PHACTR1: variants seen among roughly 807,000 people sequenced by gnomAD.
PHACTR1 encodes phosphatase and actin regulator 1, also known as RPEL repeat containing 1.
In PHACTR1, 16 loss-of-function variants were observed where a neutral mutation model predicts 69.2. The ratio of observed to expected loss-of-function variants is 0.23; its 90% CI spans 0.16 to 0.35. The LOEUF (loss-of-function observed/expected upper bound fraction) is 0.35. Ranked by LOEUF, PHACTR1 falls within the 10% of genes least tolerant of loss-of-function variation. The pLI is 1.00. For synonymous variants in PHACTR1, 312 were observed against 284.5 expected, an observed-to-expected ratio of 1.10 and a Z score of -0.97; for missense variants, 510 against 734.7, an observed-to-expected ratio of 0.69 and a Z score of 3.54.
chr6:13,120,336 A>G (rs1385225079), intron 5 of PHACTR1, among the ~76,000 whole-genome samples: 2 of 152,112 alleles, frequency 1.3e-5, no homozygotes, highest in Non-Finnish European at 2.9e-5. Flanking sequence ...GACCCAGTGA[A>G]ATTGAATAAC....
At chr6:12,991,154 G>A (rs1187856091) in intron 4 of PHACTR1, among the ~76,000 whole-genome samples, 2 of 152,132 alleles carry the variant, frequency 1.3e-5, no homozygotes, top group African/African-American at 2.4e-5. Context: ...TGTCCATATC[G>A]CTATTACCTG....
intron 4 of PHACTR1, among the ~76,000 whole-genome samples, chr6:13,048,045 G>A (rs2127726261): frequency 6.6e-6 from 1 of 152,196 alleles, no homozygotes; most frequent in African/African-American, 2.4e-5. Flanking sequence ...GCCTGTCTAA[G>A]GAGAAAGAAA....
chr6:13,266,207 T>A (rs1168590296), intron 10 of PHACTR1, among the ~76,000 whole-genome samples: 1 of 152,136 alleles, frequency 6.6e-6, no homozygotes, highest in Non-Finnish European at 1.5e-5. Flanking sequence ...TTCCTGTCCA[T>A]TCACATATGC....
intron 10 of PHACTR1, among the ~76,000 whole-genome samples, chr6:13,256,480 G>A (rs1477344150): frequency 3.3e-5 from 5 of 152,202 alleles, no homozygotes; most frequent in African/African-American, 1.2e-4. Context: ...TGGCCAGGCT[G>A]CAAAGTTTCC....
chr6:12,749,910 C>T (rs1011287929), intron 4 of PHACTR1, 120 bp downstream of exon 4: 1 of 971,622 alleles, frequency 1.0e-6, no homozygotes, highest in Non-Finnish European at 1.5e-6. Flanking sequence ...GCGCTCAGCA[C>T]TCGCGCTCTT....
chr6:12,836,836 A>G (rs762275817), intron 4 of PHACTR1, among the ~76,000 whole-genome samples: 1 of 152,180 alleles, frequency 6.6e-6, no homozygotes, highest in Admixed American at 6.6e-5. Context: ...CAGGTCCTAC[A>G]TGCCAGTAAA....
chr6:12,953,182 G>C (rs1282655177), intron 4 of PHACTR1, among the ~76,000 whole-genome samples: 2 of 152,146 alleles, frequency 1.3e-5, no homozygotes, highest in Non-Finnish European at 2.9e-5. Context: ...AATTAGCCGG[G>C]CTTGGTGGCT....
At chr6:12,886,089 C>T (rs1783606619) in intron 4 of PHACTR1, among the ~76,000 whole-genome samples, 1 of 152,024 alleles carries the variant, frequency 6.6e-6, no homozygotes, top group South Asian at 2.1e-4. Context: ...GGTGAGACTC[C>T]ATCTCTAGAA....
At chr6:12,831,228 A>G (rs1777547662) in intron 4 of PHACTR1, among the ~76,000 whole-genome samples, 1 of 152,242 alleles carries the variant, frequency 6.6e-6, no homozygotes, top group Admixed American at 6.5e-5. Context: ...TACATGAATG[A>G]ACATTGAAAT....
At chr6:12,969,189 A>G (rs1010424536) in intron 4 of PHACTR1, among the ~76,000 whole-genome samples, 4 of 152,362 alleles carry the variant, frequency 2.6e-5, no homozygotes, top group Non-Finnish European at 1.5e-5. Flanking sequence ...TATAGCTAGC[A>G]CTGAGAAGCT....
intron 4 of PHACTR1, among the ~76,000 whole-genome samples, chr6:12,851,986 C>T (rs1779871285): frequency 6.6e-6 from 1 of 152,124 alleles, no homozygotes; most frequent in South Asian, 2.1e-4. Context: ...AGGTACGCGC[C>T]ACCACACCCA....
Position 12,967,735 on chromosome 6 carries a change from C to T in PHACTR1, c.251-85630C>T, listed in dbSNP as rs114230625. Among the ~76,000 whole-genome samples the T allele has an allele frequency of 5.4e-3, 815 of 152,308 alleles. 11 individuals carry two copies. The highest frequency in any genetic ancestry group is 0.018 in the African/African-American group (762 of 41,568). ...GAAGCCGCATTTGATTCCACAAACACTTGCAACCATCTTTCAAGTATCCTG... is the reference window on the plus strand; with the variant it reads ...GAAGCCGCATTTGATTCCACAAACATTTGCAACCATCTTTCAAGTATCCTG... On this transcript the variant is annotated intron_variant, in intron 4 of 14. Transcript: ENST00000332995.
intron 4 of PHACTR1, among the ~76,000 whole-genome samples, chr6:12,932,773 T>A (rs1275810284): frequency 6.6e-6 from 1 of 152,128 alleles, no homozygotes; most frequent in South Asian, 2.1e-4. Context: ...AGCTGCTACT[T>A]TACCCCATTT....
chr6:13,184,982 C>T (rs1583792585), intron 7 of PHACTR1: 1 of 1,366,296 alleles, frequency 7.3e-7, no homozygotes, highest in Non-Finnish European at 9.8e-7. Context: ...AAACCCACTA[C>T]CAGGATTGCC....
chr6:13,159,826 G>T (rs1386237144), intron 5 of PHACTR1, among the ~76,000 whole-genome samples: 1 of 152,162 alleles, frequency 6.6e-6, no homozygotes, highest in African/African-American at 2.4e-5. Flanking sequence ...TGTAGTCCCA[G>T]CTACTCAAGA....
intron 4 of PHACTR1, among the ~76,000 whole-genome samples, chr6:12,798,379 A>C (rs1773327419): frequency 6.6e-6 from 1 of 152,168 alleles, no homozygotes; most frequent in African/African-American, 2.4e-5. Context: ...TTACAACTGC[A>C]TGAGATGGTA....
intron 6 of PHACTR1, among the ~76,000 whole-genome samples, chr6:13,167,250 A>G (rs1759935408): frequency 6.6e-6 from 1 of 152,244 alleles, no homozygotes; most frequent in African/African-American, 2.4e-5. Flanking sequence ...ATCTCTACAA[A>G]TAAACATGAT....
At chr6:13,092,761 A>C (rs1316308729) in intron 5 of PHACTR1, among the ~76,000 whole-genome samples, 2 of 152,196 alleles carry the variant, frequency 1.3e-5, no homozygotes, top group Non-Finnish European at 2.9e-5. Context: ...GGATGGAGTA[A>C]AAAAGCAGAA....
At chr6:13,217,147 T>C (rs929736773) in intron 8 of PHACTR1, among the ~76,000 whole-genome samples, 1 of 152,224 alleles carries the variant, frequency 6.6e-6, no homozygotes, top group Admixed American at 6.5e-5. Context: ...TGATAAATTG[T>C]TGGTGTTGAC....
Sources: allele counts gnomAD v4.1 joint callset (sites outside exome capture counted in the v4.1 genomes callset), GRCh38; gene constraint gnomAD v4.1.1; transcripts MANE v1.5; gene names NCBI Gene and HGNC (gene_info 2026-07-23, HGNC 2026-07-21).